ASTN1: variants seen among roughly 807,000 people sequenced by gnomAD.
ASTN1 encodes the protein astrotactin-1.
ASTN1 carries 41 observed loss-of-function variants against 140.7 expected under a neutral mutation model. That is an observed-to-expected ratio of 0.29 (90% CI 0.23 to 0.38). ASTN1 has a LOEUF of 0.38. Ranked by LOEUF, ASTN1 falls within the 10% of genes least tolerant of loss-of-function variation. ASTN1 has a pLI of 1.00. For missense variants in ASTN1, 1,479 were observed against 1,678.8 expected (o/e 0.88, Z 2.08); for synonymous variants, 640 against 652.2 (o/e 0.98, Z 0.29).
chr1:177,010,657 C>T (rs767522159), intron 8 of ASTN1, among the ~76,000 whole-genome samples: 11 of 152,218 alleles, frequency 7.2e-5, no homozygotes, highest in Non-Finnish European at 1.0e-4. Context: ...AAGACCAACA[C>T]ACAAATGTTT....
intron 1 of ASTN1, among the ~76,000 whole-genome samples, chr1:177,143,801 A>ATACC (rs1682578241): frequency 6.6e-6 from 1 of 152,170 alleles, no homozygotes; most frequent in African/African-American, 2.4e-5. Context: ...TTTTAAAACG[A>ATACC]TACCTCAAGT....
chr1:177,048,880 G>C (rs1175875648), intron 2 of ASTN1, among the ~76,000 whole-genome samples: 2 of 152,204 alleles, frequency 1.3e-5, no homozygotes, highest in Admixed American at 1.3e-4. Context: ...CCCCCACTGG[G>C]CCATGTGAAG....
intron 20 of ASTN1, among the ~76,000 whole-genome samples, chr1:176,879,285 G>A (rs1557929902): frequency 6.6e-6 from 1 of 152,108 alleles, no homozygotes; most frequent in Non-Finnish European, 1.5e-5. Flanking sequence ...TTCTGGCCCT[G>A]CTCTGCCTGT....
chr1:177,106,457 C>T (rs1444240926), intron 1 of ASTN1, among the ~76,000 whole-genome samples: 1 of 152,162 alleles, frequency 6.6e-6, no homozygotes, highest in Non-Finnish European at 1.5e-5. Flanking sequence ...CTGCAGCTTA[C>T]AGTCTGATAT....
At chr1:176,960,343 T>C (rs762949525) in intron 9 of ASTN1, among the ~76,000 whole-genome samples, 13 of 152,184 alleles carry the variant, frequency 8.5e-5, no homozygotes, top group African/African-American at 1.9e-4. Flanking sequence ...TTATTGAACA[T>C]AGAAATAAAA....
At chr1:177,007,040 G>C (rs777664578) in intron 8 of ASTN1, among the ~76,000 whole-genome samples, 12 of 152,164 alleles carry the variant, frequency 7.9e-5, no homozygotes, top group Non-Finnish European at 1.8e-4. Flanking sequence ...TATGAAGCTT[G>C]ACTACCAGCT....
At chr1:177,100,589 CAGG>C (rs78801546) in intron 1 of ASTN1, among the ~76,000 whole-genome samples, 8,632 of 152,026 alleles carry the variant, frequency 0.057, 310 homozygotes, top group Non-Finnish European at 0.089. Context: ...ATTTTGCCTT[CAGG>C]AGTTTAGGAT....
chr1:176,958,286 T>C, intron 10 of ASTN1, 59 bp downstream of exon 10: 2 of 1,609,428 alleles, frequency 1.2e-6, no homozygotes, highest in East Asian at 2.2e-5. Context: ...AACCTACAGG[T>C]AGTTTCTCAT....
chr1:177,115,733 C>A (rs1469606056), intron 1 of ASTN1, among the ~76,000 whole-genome samples: 1 of 151,770 alleles, frequency 6.6e-6, no homozygotes, highest in Non-Finnish European at 1.5e-5. Flanking sequence ...TTGTTTAAAA[C>A]TTGGCAAGTA....
intron 1 of ASTN1, among the ~76,000 whole-genome samples, chr1:177,131,462 C>T (rs1327192521): frequency 1.3e-5 from 2 of 152,090 alleles, no homozygotes; most frequent in African/African-American, 2.4e-5. Flanking sequence ...TGTTGTGTCA[C>T]AAACTGATAG....
In ASTN1 at chr1:176,862,422, G is replaced by A; in HGVS notation, c.*1862C>T. 1 of 985,428 alleles carries A rather than the reference G, an allele frequency of 1.0e-6. No individual in the cohort carries two copies. Among genetic ancestry groups the A allele is most frequent in the Non-Finnish European group, 1.2e-6 (1 of 829,958 alleles). The allele number at this position is 985,428 out of a possible 1,614,324, so 61.0% of individuals were successfully genotyped here. A position where few individuals can be genotyped will look rare whatever the true frequency, so the allele number is the denominator to read the frequency against. On this transcript the variant is annotated 3_prime_UTR_variant, in exon 23 of 23. Transcript: ENST00000361833. ...GGTGCTCTAGCTCCAAAGGCTAAGG[G>A]CGTACTTTCGCCCCTCCTCCTTCCA...
intron 1 of ASTN1, among the ~76,000 whole-genome samples, chr1:177,075,645 CTTTT>C (rs5778927): frequency 6.0e-5 from 6 of 99,534 alleles, no homozygotes; most frequent in African/African-American, 8.4e-5. Flanking sequence ...CTTTTCTTTT[CTTTT>C]TTTTTTTTTT....
rs758105563 is a variant in ASTN1 at position 177,023,349 on chromosome 1, T to C, written c.1438+55A>G. 3 of 1,521,952 alleles carry C rather than the reference T, an allele frequency of 2.0e-6. No individual in the cohort carries two copies. In the Admixed American group the frequency reaches 6.8e-5, roughly 35 times the overall value. The allele number at this position is 1,521,952 out of a possible 1,614,324, so 94.3% of individuals were successfully genotyped here. On this transcript the variant is annotated intron_variant, in intron 7 of 22. Coordinates refer to ENST00000361833, the MANE Select transcript of ASTN1 (RefSeq NM_004319.3). ...CATGGTCTGAATTTCAAGGGAGTGA[T>C]TGCAAGAGGCATGATCTCTCTGACA...
At position 177,137,713 on chromosome 1, in the gene ASTN1, C is replaced by G. The variant is rs183886154; in HGVS notation, c.283+26681G>C. 1.6e-4 allele frequency among the ~76,000 whole-genome samples: 25 copies of G among 152,316 alleles called. 1 individual carries two copies. Among genetic ancestry groups the G allele is most frequent in the African/African-American group, 6.0e-4 (25 of 41,584 alleles). ...GCACCCAAGCTAGGCCTGGAAAATACTGAGGGCCAATGATAGCTGTCCAGC... is the reference window on the plus strand; with the variant it reads ...GCACCCAAGCTAGGCCTGGAAAATAGTGAGGGCCAATGATAGCTGTCCAGC... On this transcript the variant is annotated intron_variant, in intron 1 of 22. Coordinates refer to ENST00000361833, the MANE Select transcript of ASTN1 (RefSeq NM_004319.3).
At chr1:177,039,704 A>T (rs1158782674) in intron 2 of ASTN1, among the ~76,000 whole-genome samples, 1 of 152,234 alleles carries the variant, frequency 6.6e-6, no homozygotes, top group East Asian at 1.9e-4. Context: ...CCAAGCCTTC[A>T]TTGATAAAAT....
rs574743347 is a variant in ASTN1 at position 176,916,898 on chromosome 1, C to A, written c.2671+17254G>T. Among the ~76,000 whole-genome samples, 7 of 152,258 alleles carry A rather than the reference C, an allele frequency of 4.6e-5. No homozygotes were observed. The South Asian group carries it at 1.4e-3, about 32-fold the overall frequency. ...GGCTGGCCCTTTGAACCTCTGCCTCCCCGCCCCGCCCACAACCAGCCTCTC... is the reference window on the plus strand; with the variant it reads ...GGCTGGCCCTTTGAACCTCTGCCTCACCGCCCCGCCCACAACCAGCCTCTC... On this transcript the variant is annotated intron_variant, in intron 16 of 22. Transcript: ENST00000361833.
chr1:177,128,764 T>C (rs902852507), intron 1 of ASTN1, among the ~76,000 whole-genome samples: 1 of 152,124 alleles, frequency 6.6e-6, no homozygotes, highest in Non-Finnish European at 1.5e-5. Context: ...ATAGAATGCA[T>C]TGAAAAGAAT....
chr1:177,014,950 A>G (rs917720111), intron 7 of ASTN1, 75 bp from the exon 8 acceptor site: 128 of 1,369,570 alleles, frequency 9.3e-5, no homozygotes, highest in Non-Finnish European at 1.1e-4. Context: ...GTAAAAATTA[A>G]CATGAAATAG....
intron 1 of ASTN1, among the ~76,000 whole-genome samples, chr1:177,116,098 A>G (rs920607812): frequency 2.6e-5 from 4 of 152,164 alleles, no homozygotes; most frequent in African/African-American, 9.6e-5. Context: ...TAGAAAAATC[A>G]AGTTCTCATC....
Sources: allele counts gnomAD v4.1 joint callset (sites outside exome capture counted in the v4.1 genomes callset), GRCh38; gene constraint gnomAD v4.1.1; transcripts MANE v1.5; gene names NCBI Gene and HGNC (gene_info 2026-07-23, HGNC 2026-07-21).